TOP3A: variants seen among roughly 807,000 people sequenced by gnomAD.
TOP3A encodes the protein DNA topoisomerase III alpha, also known as DNA topoisomerase 3-alpha.
In TOP3A, 64 loss-of-function variants were observed where a neutral mutation model predicts 111.3. The observed-to-expected ratio is 0.57, with a 90% CI of 0.47 to 0.71. TOP3A has a LOEUF of 0.71. Ranked by LOEUF, TOP3A falls within the 30% of genes least tolerant of loss-of-function variation. TOP3A has a pLI of 0.00. For synonymous variants in TOP3A, 484 were observed against 485.1 expected (o/e 1.00, Z 0.03); for missense variants, 1,104 against 1,285.0 (o/e 0.86, Z 2.15).
In TOP3A at chr17:18,287,554, C is replaced by A. The variant is rs576725584; in HGVS notation, c.1598-2034G>T. ...CAAAACAAAACAAACAAACAAAAAA[C>A]CCAACAAAAAAATTAGCTGGGTATG... On this transcript the variant is annotated intron_variant, in intron 13 of 18. Transcript: ENST00000321105. Among the ~76,000 whole-genome samples, 58 of 151,540 alleles carry A rather than the reference C, an allele frequency of 3.8e-4. No homozygotes were observed. The South Asian group carries it at 5.2e-3, about 14-fold the overall frequency.
At chr17:18,281,267 GAA>G (rs975105425) in intron 16 of TOP3A, among the ~76,000 whole-genome samples, 1 of 151,334 alleles carries the variant, frequency 6.6e-6, no homozygotes, top group African/African-American at 2.4e-5. Context: ...CACTATGAAG[GAA>G]AAAAAAGCCC....
Position 18,292,645 on chromosome 17 carries a change from CT to C in TOP3A, c.1280del (p.Gln427ArgfsTer45), listed in dbSNP as rs1447664132. Reference protein sequence around the residue: ...IHPTKYTNNLQGDEQRLYEFI... With the variant: ...IHPTKYTNNLXGDEQRLYEFI... ...AGGCAGTACATTCAGGGAAACCAAC[CT>C]GTAAGTTGTTGGTGTATTTGGTGGG... On this transcript the variant is annotated frameshift_variant and splice_region_variant, in exon 11 of 19. Transcript: ENST00000321105. LOFTEE classifies it high-confidence loss of function. The C allele has an allele frequency of 6.4e-7, 1 of 1,557,862 alleles. No individual in the cohort carries two copies.
intron 1 of TOP3A, among the ~76,000 whole-genome samples, chr17:18,314,194 G>A (rs1982100106): frequency 6.6e-6 from 1 of 152,286 alleles, no homozygotes; most frequent in East Asian, 1.9e-4. Context: ...GAACGATCGG[G>A]CAGGGCTTGA....
intron 8 of TOP3A, among the ~76,000 whole-genome samples, chr17:18,301,278 C>T (rs554899046): frequency 2.0e-5 from 3 of 152,208 alleles, no homozygotes; most frequent in Non-Finnish European, 4.4e-5. Flanking sequence ...TGGGTCCCAA[C>T]TCTGCCACCA....
At chr17:18,294,658 T>G in intron 10 of TOP3A, 45 bp downstream of exon 10, 1 of 1,407,690 alleles carries the variant, frequency 7.1e-7, no homozygotes, top group African/African-American at 1.4e-5. Context: ...TATTTCATCC[T>G]GATAAAGACG....
chr17:18,292,245 CA>C lies in TOP3A; in HGVS notation c.1281+399del, dbSNP rs1415591147. 5.9e-5 allele frequency among the ~76,000 whole-genome samples: 9 copies of C among 152,264 alleles called. No homozygotes were observed. In the East Asian group the frequency reaches 1.4e-3, roughly 23 times the overall value. ...AGAGCTGTGTGGGAAACTGCAGTGA[CA>C]GGGGGTGGCACGACTGGGGTGGCAG... On this transcript the variant is annotated intron_variant, in intron 11 of 18. Transcript: ENST00000321105.
intron 17 of TOP3A, chr17:18,280,222 A>T (rs1429459660): frequency 5.8e-6 from 1 of 172,494 alleles, no homozygotes; most frequent in African/African-American, 2.4e-5. Flanking sequence ...CCAAGCTTGG[A>T]TGTTGTATTT....
chr17:18,314,536 C>G, intron 1 of TOP3A, 63 bp downstream of exon 1: 1 of 1,501,200 alleles, frequency 6.7e-7, no homozygotes, highest in Non-Finnish European at 9.0e-7. Flanking sequence ...TGGCGCCCAC[C>G]ACGCTGTCCC....
intron 9 of TOP3A, among the ~76,000 whole-genome samples, chr17:18,295,180 T>A (rs1484143743): frequency 6.6e-6 from 1 of 151,150 alleles, no homozygotes; most frequent in Non-Finnish European, 1.5e-5. Context: ...TGAGACGGAG[T>A]CTCGCCCTGT....
intron 1 of TOP3A, among the ~76,000 whole-genome samples, chr17:18,310,525 G>C (rs1347675356): frequency 6.6e-6 from 1 of 152,136 alleles, no homozygotes; most frequent in East Asian, 1.9e-4. Flanking sequence ...TGACACAAAA[G>C]AGCATGTAAG....
At chr17:18,312,819 GA>G (rs1319641451) in intron 1 of TOP3A, 1 of 179,010 alleles carries the variant, frequency 5.6e-6, no homozygotes, top group East Asian at 1.4e-4. Context: ...TGGCCTTATA[GA>G]AAACATGGAG....
intron 1 of TOP3A, chr17:18,312,123 A>G (rs1344607538): frequency 6.6e-6 from 1 of 152,338 alleles, no homozygotes; most frequent in Non-Finnish European, 1.5e-5. Flanking sequence ...CTGATGTGCC[A>G]CCTGGGATTG....
At chr17:18,305,925 G>A (rs1981551409) in intron 4 of TOP3A, among the ~76,000 whole-genome samples, 1 of 151,990 alleles carries the variant, frequency 6.6e-6, no homozygotes, top group African/African-American at 2.4e-5. Flanking sequence ...TAACTGGCCA[G>A]GCTCGGTGGC....
chr17:18,287,105 TAGGC>T (rs539146112), intron 13 of TOP3A, among the ~76,000 whole-genome samples: 91 of 151,324 alleles, frequency 6.0e-4, no homozygotes, highest in African/African-American at 2.2e-3. Context: ...ATAACTAAAG[TAGGC>T]AAATCTGGCC....
intron 16 of TOP3A, 35 bp from the exon 17 acceptor site, chr17:18,280,693 G>A (rs1330496785): frequency 6.2e-7 from 1 of 1,609,590 alleles, no homozygotes; most frequent in Admixed American, 1.7e-5. Context: ...TGATAGGAGT[G>A]CAGGAGATGC....
At chr17:18,287,074 G>C (rs1980149680) in intron 13 of TOP3A, among the ~76,000 whole-genome samples, 1 of 151,918 alleles carries the variant, frequency 6.6e-6, no homozygotes, top group South Asian at 2.1e-4. Flanking sequence ...GTGAGCCACT[G>C]TGCCTGGCTC....
rs1395686135 is a variant in TOP3A, at chr17:18,280,673, C to T, written c.2022-15G>A. ...TGAGGTAGAACCTGGGGACAAAGTG[C>T]CATGTCAGATGATAGGAGTGCAGGA... On this transcript the variant is annotated splice_polypyrimidine_tract_variant and intron_variant, in intron 16 of 18. Transcript: ENST00000321105. 3 of 1,613,502 alleles carry T rather than the reference C, an allele frequency of 1.9e-6. No homozygotes were observed. In the South Asian group the frequency reaches 3.3e-5, roughly 18 times the overall value.
chr17:18,293,986 T>C (rs1980638987), intron 10 of TOP3A, among the ~76,000 whole-genome samples: 1 of 152,262 alleles, frequency 6.6e-6, no homozygotes, highest in Non-Finnish European at 1.5e-5. Context: ...TTTACATCTA[T>C]AGCGCATCCC....
chr17:18,298,192 G>A (rs1372395139), intron 9 of TOP3A, among the ~76,000 whole-genome samples: 2 of 147,708 alleles, frequency 1.4e-5, no homozygotes, highest in East Asian at 2.0e-4. Context: ...CCCGGCAACC[G>A]CCCCGTCTGA....
Sources: gnomAD v4.1 joint callset for allele counts (sites outside exome capture counted in the v4.1 genomes callset) on GRCh38, gnomAD v4.1.1 for gene constraint, MANE v1.5 for transcripts, NCBI Gene and HGNC (gene_info 2026-07-23, HGNC 2026-07-21) for gene names.